Variants in USP7 observed in about 807,000 individuals in gnomAD.
The protein encoded by USP7 is ubiquitin specific peptidase 7.
USP7 carries 9 observed loss-of-function variants against 162.9 expected under a neutral mutation model. The observed-to-expected ratio is 0.06, with a 90% CI of 0.03 to 0.10. USP7 has a LOEUF of 0.10. USP7 is among the 10% of genes least tolerant of loss of function. The probability of loss-of-function intolerance (pLI) is 1.00; values close to 1 mark genes in which losing one functional copy is unlikely to be tolerated. For synonymous variants in USP7, 562 were observed against 475.9 expected (o/e 1.18, Z -2.35); for missense variants, 715 against 1,373.7 (o/e 0.52, Z 7.58).
At chr16:8,953,551 C>A (rs1004663860) in intron 1 of USP7, among the ~76,000 whole-genome samples, 6 of 120,726 alleles carry the variant, frequency 5.0e-5, no homozygotes. Flanking sequence ...GTGCCCCATG[C>A]GGCGCCACCG....
chr16:8,922,216 C>G (rs898341216), intron 3 of USP7, among the ~76,000 whole-genome samples: 3 of 152,196 alleles, frequency 2.0e-5, no homozygotes, highest in Non-Finnish European at 2.9e-5. Flanking sequence ...CGGCCAGGTG[C>G]GCTGGCTCAC....
intron 1 of USP7, among the ~76,000 whole-genome samples, chr16:8,937,673 C>T (rs1898827336): frequency 6.6e-6 from 1 of 152,166 alleles, no homozygotes; most frequent in African/African-American, 2.4e-5. Context: ...CAAAGCAAGA[C>T]CCTGTCTCTA....
At chr16:8,932,717 C>T (rs1898436430) in intron 1 of USP7, among the ~76,000 whole-genome samples, 1 of 152,114 alleles carries the variant, frequency 6.6e-6, no homozygotes, top group Non-Finnish European at 1.5e-5. Context: ...TTATGAGATT[C>T]ATAAATTGTA....
At chr16:8,898,300 G>A in intron 25 of USP7, 60 bp downstream of exon 25, 2 of 1,346,202 alleles carry the variant, frequency 1.5e-6, no homozygotes, top group Non-Finnish European at 2.1e-6. Flanking sequence ...TCTGGGGACA[G>A]GTAGAAACAA....
chr16:8,906,110 C>T (rs1345714172), intron 13 of USP7, among the ~76,000 whole-genome samples: 1 of 152,172 alleles, frequency 6.6e-6, no homozygotes, highest in Non-Finnish European at 1.5e-5. Flanking sequence ...CAGCCAGCCT[C>T]CCCGACTGGG....
chr16:8,905,607 A>G (rs1039571556), intron 13 of USP7, among the ~76,000 whole-genome samples: 1 of 152,182 alleles, frequency 6.6e-6, no homozygotes, highest in Non-Finnish European at 1.5e-5. Context: ...TTTATAATCT[A>G]CTGAAATAGC....
chr16:8,929,091 C>T (rs1898177273), intron 2 of USP7, among the ~76,000 whole-genome samples: 1 of 152,102 alleles, frequency 6.6e-6, no homozygotes, highest in African/African-American at 2.4e-5. Flanking sequence ...GAACAGATTG[C>T]TCTGTGGGAA....
At chr16:8,898,999 A>G in intron 23 of USP7, 122 bp downstream of exon 23, 1 of 1,062,194 alleles carries the variant, frequency 9.4e-7, no homozygotes, top group Non-Finnish European at 1.4e-6. Context: ...TCTGAAACTA[A>G]GCAAGAAATG....
At chr16:8,957,859 C>T (rs1344222343) in intron 1 of USP7, among the ~76,000 whole-genome samples, 4 of 152,052 alleles carry the variant, frequency 2.6e-5, no homozygotes, top group East Asian at 3.8e-4. Context: ...TTATGAAAGT[C>T]TATCAATGTC....
intron 1 of USP7, among the ~76,000 whole-genome samples, chr16:8,932,586 G>A (rs969422268): frequency 1.3e-5 from 2 of 150,104 alleles, no homozygotes; most frequent in African/African-American, 4.9e-5. Context: ...TAGCTCAAAT[G>A]CTCCAAATCA....
intron 8 of USP7, among the ~76,000 whole-genome samples, chr16:8,915,745 C>G (rs1045866902): frequency 1.3e-5 from 2 of 152,102 alleles, no homozygotes; most frequent in African/African-American, 4.8e-5. Flanking sequence ...TTTTATACAG[C>G]CTTTGGAATA....
chr16:8,951,888 A>T (rs955785463), intron 1 of USP7, among the ~76,000 whole-genome samples: 3 of 152,216 alleles, frequency 2.0e-5, no homozygotes, highest in African/African-American at 7.2e-5. Context: ...TTTTTATGCC[A>T]CCAAATGCCA....
At chr16:8,900,222 TA>T (rs1277159670) in intron 21 of USP7, 1 of 333,344 alleles carries the variant, frequency 3.0e-6, no homozygotes, top group African/African-American at 2.2e-5. Context: ...CCCAAGTAGG[TA>T]CATTCTAAGG....
chr16:8,927,575 C>T (rs139136181), intron 2 of USP7, among the ~76,000 whole-genome samples: 4 of 152,292 alleles, frequency 2.6e-5, no homozygotes, highest in African/African-American at 4.8e-5. Flanking sequence ...GTGGCTCACA[C>T]TTGTAGTCCC....
In USP7 at chr16:8,893,467, G is replaced by C. The variant is rs536774466; in HGVS notation, c.*531C>G. The C allele has an allele frequency of 6.5e-6, 1 of 154,284 alleles. No homozygotes were observed. The highest frequency in any genetic ancestry group is 1.4e-5 in the Non-Finnish European group (1 of 69,206). 9.6% of individuals were successfully genotyped at this position (154,284 alleles called of 1,614,324 possible). On this transcript the variant is annotated 3_prime_UTR_variant, in exon 31 of 31. Transcript: ENST00000344836. ...CCAGGCAGCTGGAGGAGGAGAACCC[G>C]AGGAAGGGCCGACAATGCACACAAT...
At chr16:8,905,887 T>C (rs1445818500) in intron 13 of USP7, among the ~76,000 whole-genome samples, 1 of 152,212 alleles carries the variant, frequency 6.6e-6, no homozygotes, top group Non-Finnish European at 1.5e-5. Context: ...CACGCACTCT[T>C]CACTGTTCTC....
chr16:8,916,989 G>T, intron 7 of USP7, 37 bp downstream of exon 7: 1 of 1,454,616 alleles, frequency 6.9e-7, no homozygotes, highest in South Asian at 1.5e-5. Flanking sequence ...AAAAAAAAGA[G>T]GAAGCAGAAT....
Position 8,893,476 on chromosome 16 carries a change from C to G in USP7, c.*522G>C, listed in dbSNP as rs987068748. The G allele has an allele frequency of 9.7e-5, 15 of 154,394 alleles. No individual in the cohort carries two copies. The highest frequency in any genetic ancestry group is 3.4e-4 in the African/African-American group (14 of 41,454). 9.6% of individuals were successfully genotyped at this position (154,394 alleles called of 1,614,324 possible). A position where few individuals can be genotyped will look rare whatever the true frequency, so the allele number is the denominator to read the frequency against. On this transcript the variant is annotated 3_prime_UTR_variant, in exon 31 of 31. Transcript: ENST00000344836. ...TGGAGGAGGAGAACCCGAGGAAGGG[C>G]CGACAATGCACACAATGAAGGGAAG... is the stretch of plus-strand genomic sequence containing the variant.
At chr16:8,919,358 G>A (rs942969549) in intron 5 of USP7, among the ~76,000 whole-genome samples, 25 of 152,036 alleles carry the variant, frequency 1.6e-4, no homozygotes, top group South Asian at 8.3e-4. Context: ...CGAAGCACCT[G>A]CCTGCTGACA....
Sources: gnomAD v4.1 joint callset for allele counts (sites outside exome capture counted in the v4.1 genomes callset) on GRCh38, gnomAD v4.1.1 for gene constraint, MANE v1.5 for transcripts, NCBI Gene and HGNC (gene_info 2026-07-23, HGNC 2026-07-21) for gene names.